The following GPC4 variants were observed in gnomAD, a reference collection of about 807,000 sequenced individuals.
GPC4 encodes glypican 4, also known as glypican-4.
A neutral mutation model predicts 35.0 loss-of-function variants in GPC4; 10 were observed. That is an observed-to-expected ratio of 0.29 (90% CI 0.18 to 0.48). The LOEUF is 0.48. Ranked by LOEUF, GPC4 falls within the 20% of genes least tolerant of loss-of-function variation. The pLI, the probability that GPC4 is intolerant of heterozygous loss-of-function variation, is 0.99. For missense variants in GPC4, 322 were observed against 451.3 expected (o/e 0.71, Z 2.60); for synonymous variants, 167 against 170.2 (o/e 0.98, Z 0.15).
In GPC4 at chrX:133,414,419, A is replaced by G. The variant is rs1218461083; in HGVS notation, c.160+387T>C. The G allele has an allele frequency of 4.2e-6, 3 of 722,215 alleles. No individual in the cohort carries two copies. In the African/African-American group the frequency reaches 7.4e-5, roughly 18 times the overall value. 59.5% of individuals were successfully genotyped at this position (722,215 alleles called of 1,213,427 possible). On this transcript the variant is annotated intron_variant, in intron 1 of 8. Transcript: ENST00000370828. ...CATACAACAAAGCGGGGCGTCCTAT[A>G]AGGAGTTCAACCCGGAAAAGGAGAA... is the stretch of plus-strand genomic sequence containing the variant.
intron 1 of GPC4, among the ~76,000 whole-genome samples, chrX:133,378,472 A>T (rs1365730915): frequency 9.5e-6 from 1 of 105,353 alleles, no homozygotes; most frequent in Non-Finnish European, 1.9e-5. Context: ...TCTACTCGGG[A>T]GGCTGAGGCA....
At chrX:133,362,315 T>C (rs1265238417) in intron 1 of GPC4, among the ~76,000 whole-genome samples, 2 of 110,863 alleles carry the variant, frequency 1.8e-5, no homozygotes, top group African/African-American at 6.6e-5. Context: ...GGGTCACTCA[T>C]TTTTGTTCTA....
chrX:133,352,405 T>A (rs776555506), intron 1 of GPC4, among the ~76,000 whole-genome samples: 1 of 111,578 alleles, frequency 9.0e-6, no homozygotes, highest in African/African-American at 3.3e-5. Context: ...CTAGTTCTGC[T>A]GCCTTTCTTG....
chrX:133,309,695 T>C (rs1030763861), intron 4 of GPC4, among the ~76,000 whole-genome samples: 4 of 112,307 alleles, frequency 3.6e-5, no homozygotes, highest in Non-Finnish European at 5.6e-5. Context: ...TTGAAAAGGA[T>C]CACCAACTTT....
At chrX:133,321,230 C>T (rs757321342) in intron 3 of GPC4, among the ~76,000 whole-genome samples, 8 of 112,021 alleles carry the variant, frequency 7.1e-5, no homozygotes, top group South Asian at 3.8e-4. Flanking sequence ...CTTACTTCCC[C>T]GTAACCTGGG....
intron 1 of GPC4, among the ~76,000 whole-genome samples, chrX:133,412,305 T>C (rs950987212): frequency 1.8e-5 from 2 of 112,233 alleles, no homozygotes; most frequent in Admixed American, 9.4e-5. Flanking sequence ...ATTACGCCTG[T>C]TTCTATACTG....
intron 1 of GPC4, among the ~76,000 whole-genome samples, chrX:133,397,284 G>T (rs1000651579): frequency 8.9e-6 from 1 of 112,054 alleles, no homozygotes; most frequent in African/African-American, 3.2e-5. Context: ...AATTAGCCAG[G>T]TGTGGTGGCA....
intron 2 of GPC4, among the ~76,000 whole-genome samples, chrX:133,329,694 C>T (rs935652616): frequency 9.0e-6 from 1 of 111,093 alleles, no homozygotes; most frequent in East Asian, 2.8e-4. Context: ...CGACACCCCC[C>T]ACCCATGTAT....
intron 1 of GPC4, among the ~76,000 whole-genome samples, chrX:133,354,945 T>C (rs1247666457): frequency 8.9e-6 from 1 of 112,523 alleles, no homozygotes; most frequent in Non-Finnish European, 1.9e-5. Flanking sequence ...TTGTATGCAA[T>C]GCTACAGCAG....
At chrX:133,309,500 G>C (rs2068305261) in intron 4 of GPC4, among the ~76,000 whole-genome samples, 1 of 112,763 alleles carries the variant, frequency 8.9e-6, no homozygotes, top group Non-Finnish European at 1.9e-5. Flanking sequence ...TATGAGTTTA[G>C]TTATAGTTGC....
At chrX:133,369,124 T>C (rs1160324448) in intron 1 of GPC4, among the ~76,000 whole-genome samples, 4 of 111,645 alleles carry the variant, frequency 3.6e-5, no homozygotes, top group African/African-American at 1.3e-4. Flanking sequence ...AAACTACCTC[T>C]TTTAATCCCC....
intron 1 of GPC4, among the ~76,000 whole-genome samples, chrX:133,387,224 G>C (rs916359338): frequency 7.1e-5 from 8 of 112,141 alleles, no homozygotes; most frequent in Non-Finnish European, 1.3e-4. Context: ...CTTAGGGTGG[G>C]CTGAGAGGCT....
intron 1 of GPC4, among the ~76,000 whole-genome samples, chrX:133,380,645 G>A (rs1310216291): frequency 9.0e-6 from 1 of 111,380 alleles, no homozygotes; most frequent in Non-Finnish European, 1.9e-5. Context: ...ACATTTATAT[G>A]CAATGTGGAT....
In GPC4 at chrX:133,307,458, A is replaced by G. The variant is rs191791659; in HGVS notation, c.878-1304T>C. On this transcript the variant is annotated intron_variant, in intron 4 of 8. Transcript: ENST00000370828. ...CAAACCACAAATAGATTTCCATGAAATGCAATTTTTAAAACAGTAATAACA... is the reference window on the plus strand; with the variant it reads ...CAAACCACAAATAGATTTCCATGAAGTGCAATTTTTAAAACAGTAATAACA... Among the ~76,000 whole-genome samples the G allele has an allele frequency of 3.4e-3, 345 of 101,906 alleles. 1 individual carries two copies. The highest frequency in any genetic ancestry group is 5.6e-3 in the Non-Finnish European group (286 of 50,764). The allele number at this position is 101,906 out of a possible 115,157, so 88.5% of individuals were successfully genotyped here. A position where few individuals can be genotyped will look rare whatever the true frequency, so the allele number is the denominator to read the frequency against.
At chrX:133,370,493 T>C (rs2068607901) in intron 1 of GPC4, among the ~76,000 whole-genome samples, 1 of 111,876 alleles carries the variant, frequency 8.9e-6, no homozygotes, top group African/African-American at 3.2e-5. Context: ...CCTATACTTA[T>C]AAAGTTCTTC....
chrX:133,347,378 T>C (rs373217311), intron 1 of GPC4, among the ~76,000 whole-genome samples: 2 of 107,111 alleles, frequency 1.9e-5, no homozygotes, highest in Admixed American at 1.0e-4. Flanking sequence ...AAATACTTGA[T>C]GTAATTCTAA....
At position 133,381,513 on chromosome X, in the gene GPC4, C is replaced by T. The variant is rs766413980; in HGVS notation, c.160+33293G>A. Among the ~76,000 whole-genome samples the T allele has an allele frequency of 3.6e-5, 4 of 111,855 alleles. No homozygotes were observed. In the East Asian group the frequency reaches 1.1e-3, roughly 32 times the overall value. The stretch of plus-strand genomic sequence containing the variant: ...ACCCCTATCTCCACAGTTAGTGCTA[C>T]AGCTTTCCATCAGATTTCAGATAAC... On this transcript the variant is annotated intron_variant, in intron 1 of 8. Coordinates refer to ENST00000370828, the MANE Select transcript of GPC4 (RefSeq NM_001448.3).
Position 133,415,174 on chromosome X carries a change from A to C in GPC4, c.-209T>G, listed in dbSNP as rs1250925279. The C allele has an allele frequency of 2.4e-6, 1 of 409,149 alleles. No individual in the cohort carries two copies. The highest frequency in any genetic ancestry group is 4.2e-6 in the Non-Finnish European group (1 of 238,338). The allele number at this position is 409,149 out of a possible 1,213,427, so 33.7% of individuals were successfully genotyped here. On this transcript the variant is annotated 5_prime_UTR_variant, in exon 1 of 9. Coordinates refer to ENST00000370828, the MANE Select transcript of GPC4 (RefSeq NM_001448.3). ...GCGTCAGGCAACGGTCCCCGGTGCC[A>C]GGCGCCGGGCCAGGGGAGAAGGAGG...
chrX:133,304,228 A>C (rs2068281200), intron 7 of GPC4, among the ~76,000 whole-genome samples: 2 of 110,265 alleles, frequency 1.8e-5, no homozygotes, highest in Non-Finnish European at 3.8e-5. Flanking sequence ...TGAACCCGGG[A>C]GGTGGAGGTT....
Sources: gnomAD v4.1 joint callset for allele counts (sites outside exome capture counted in the v4.1 genomes callset) on GRCh38, gnomAD v4.1.1 for gene constraint, MANE v1.5 for transcripts, NCBI Gene and HGNC (gene_info 2026-07-23, HGNC 2026-07-21) for gene names.